ARHGAP12: variants seen among roughly 807,000 people sequenced by gnomAD.
ARHGAP12 encodes rho GTPase-activating protein 12.
In ARHGAP12, 64 loss-of-function variants were observed where a neutral mutation model predicts 108.6. The observed-to-expected ratio is 0.59, with a 90% CI of 0.48 to 0.73. ARHGAP12 has a LOEUF of 0.73. Among genes scored for constraint, ARHGAP12 ranks in the 30% least tolerant of loss-of-function variants. The pLI, the probability that ARHGAP12 is intolerant of heterozygous loss-of-function variation, is 0.00. For synonymous variants in ARHGAP12, 312 were observed against 337.2 expected (o/e 0.93, Z 0.82); for missense variants, 940 against 1,005.9 (o/e 0.93, Z 0.89).
chr10:31,902,799 G>C (rs1013561364), intron 3 of ARHGAP12, among the ~76,000 whole-genome samples: 2 of 152,064 alleles, frequency 1.3e-5, no homozygotes, highest in Admixed American at 6.6e-5. Context: ...GTGTCAAATG[G>C]GCTGGGCCAC....
intron 1 of ARHGAP12, among the ~76,000 whole-genome samples, chr10:31,922,116 G>GGCT (rs781402621): frequency 6.5e-5 from 9 of 138,688 alleles, no homozygotes; most frequent in South Asian, 2.4e-4. Flanking sequence ...AGGAGGCAAA[G>GGCT]GCTGCAGCGA....
At chr10:31,908,121 A>G (rs374253902) in intron 3 of ARHGAP12, 51 bp downstream of exon 3, 43 of 1,473,834 alleles carry the variant, frequency 2.9e-5, no homozygotes, top group Non-Finnish European at 3.9e-5. Context: ...ACTATAACTA[A>G]TATTTTCACT....
intron 1 of ARHGAP12, among the ~76,000 whole-genome samples, chr10:31,924,308 A>C (rs1464094484): frequency 6.6e-6 from 1 of 152,242 alleles, no homozygotes; most frequent in East Asian, 1.9e-4. Flanking sequence ...TTGTGAATAC[A>C]AACTGTGGTA....
rs369794545 is a variant in ARHGAP12, at chr10:31,889,164, G to A, written c.684+19008C>T. On this transcript the variant is annotated intron_variant, in intron 3 of 19. Coordinates refer to ENST00000344936, the MANE Select transcript of ARHGAP12 (RefSeq NM_018287.7). ...TGACCTCAAGTGATCCGCCCACCTT[G>A]GCCTCCCAAAGTGCAGCGATTACAG... Among the ~76,000 whole-genome samples, 242 of 152,240 alleles carry A rather than the reference G, an allele frequency of 1.6e-3. 9 individuals carry two copies. The South Asian group carries it at 0.05, about 31-fold the overall frequency.
intron 6 of ARHGAP12, among the ~76,000 whole-genome samples, chr10:31,850,639 T>G (rs1249764674): frequency 1.3e-5 from 2 of 152,202 alleles, no homozygotes; most frequent in Non-Finnish European, 2.9e-5. Flanking sequence ...TAAAAGTTGG[T>G]AACAGTCGTA....
intron 3 of ARHGAP12, among the ~76,000 whole-genome samples, chr10:31,895,040 T>A (rs1267974841): frequency 1.3e-5 from 2 of 152,152 alleles, no homozygotes; most frequent in Non-Finnish European, 2.9e-5. Flanking sequence ...AAAACTGGTT[T>A]GCCATATGTA....
chr10:31,878,457 CT>C (rs1837816374), intron 3 of ARHGAP12, among the ~76,000 whole-genome samples: 1 of 152,018 alleles, frequency 6.6e-6, no homozygotes, highest in Admixed American at 6.5e-5. Flanking sequence ...ATAGACACTT[CT>C]GTTTCAGAAG....
chr10:31,846,162 T>C (rs1392753904), intron 6 of ARHGAP12, among the ~76,000 whole-genome samples: 3 of 152,186 alleles, frequency 2.0e-5, no homozygotes, highest in Non-Finnish European at 4.4e-5. Context: ...ATTACATCCC[T>C]TTACTCACTC....
intron 6 of ARHGAP12, among the ~76,000 whole-genome samples, chr10:31,851,028 C>T (rs562614075): frequency 1.2e-3 from 175 of 152,062 alleles, no homozygotes; most frequent in African/African-American, 3.9e-3. Context: ...TTTTCATTCA[C>T]GGTATTTTAT....
At chr10:31,897,957 C>T (rs188222674) in intron 3 of ARHGAP12, among the ~76,000 whole-genome samples, 1 of 152,228 alleles carries the variant, frequency 6.6e-6, no homozygotes, top group African/African-American at 2.4e-5. Flanking sequence ...AAAATCCCAT[C>T]TCTACAAAAA....
At chr10:31,917,538 C>T (rs774832712) in intron 1 of ARHGAP12, among the ~76,000 whole-genome samples, 1 of 152,238 alleles carries the variant, frequency 6.6e-6, no homozygotes, top group Non-Finnish European at 1.5e-5. Flanking sequence ...GGTATCTTCT[C>T]CTCCCCAACC....
chr10:31,917,998 T>C (rs993442640), intron 1 of ARHGAP12, among the ~76,000 whole-genome samples: 4 of 151,918 alleles, frequency 2.6e-5, no homozygotes, highest in African/African-American at 9.7e-5. Flanking sequence ...TTCTGTCACT[T>C]AGGCTGGAGT....
intron 1 of ARHGAP12, among the ~76,000 whole-genome samples, chr10:31,924,308 A>G (rs1464094484): frequency 6.6e-6 from 1 of 152,242 alleles, no homozygotes; most frequent in East Asian, 1.9e-4. Flanking sequence ...TTGTGAATAC[A>G]AACTGTGGTA....
intron 15 of ARHGAP12, among the ~76,000 whole-genome samples, chr10:31,811,267 C>A (rs1835006439): frequency 6.6e-6 from 1 of 152,190 alleles, no homozygotes. Flanking sequence ...TTGTGCCTGG[C>A]ACTTAGTAAA....
At chr10:31,860,281 T>C (rs1234891709) in intron 4 of ARHGAP12, among the ~76,000 whole-genome samples, 1 of 152,230 alleles carries the variant, frequency 6.6e-6, no homozygotes, top group African/African-American at 2.4e-5. Context: ...CCTATCTACC[T>C]GAAGTTTGCT....
chr10:31,921,917 C>T (rs1839831728), intron 1 of ARHGAP12, among the ~76,000 whole-genome samples: 1 of 151,708 alleles, frequency 6.6e-6, no homozygotes, highest in Admixed American at 6.6e-5. Flanking sequence ...TGTCCAGGTG[C>T]AATGGCTCAC....
intron 1 of ARHGAP12, among the ~76,000 whole-genome samples, chr10:31,916,180 A>T (rs1324401894): frequency 6.6e-6 from 1 of 152,096 alleles, no homozygotes; most frequent in Non-Finnish European, 1.5e-5. Flanking sequence ...AAACACTTAC[A>T]ACTACTAAGT....
intron 1 of ARHGAP12, 130 bp downstream of exon 1, chr10:31,928,552 GC>G (rs1840169624): frequency 6.6e-6 from 1 of 151,624 alleles, no homozygotes; most frequent in Non-Finnish European, 1.5e-5. Context: ...CGCCGCCGCC[GC>G]CGCGCCTCCC....
chr10:31,825,579 T>C (rs1226091722), intron 11 of ARHGAP12, among the ~76,000 whole-genome samples: 1 of 152,106 alleles, frequency 6.6e-6, no homozygotes, highest in Non-Finnish European at 1.5e-5. Context: ...TTAAGTGTTT[T>C]ATACCTCATT....
Sources: allele counts gnomAD v4.1 joint callset (sites outside exome capture counted in the v4.1 genomes callset), GRCh38; gene constraint gnomAD v4.1.1; transcripts MANE v1.5; gene names NCBI Gene and HGNC (gene_info 2026-07-23, HGNC 2026-07-21).